Variants in PCDH11X observed in about 807,000 individuals in gnomAD.
The protein encoded by PCDH11X is protocadherin-11 X-linked.
A neutral mutation model predicts 53.3 loss-of-function variants in PCDH11X; 18 were observed. The ratio of observed to expected loss-of-function variants is 0.34; its 90% CI spans 0.23 to 0.50. The LOEUF (loss-of-function observed/expected upper bound fraction) is 0.50, where lower values mean the gene tolerates loss of function less well. Ranked by LOEUF, PCDH11X falls within the 20% of genes least tolerant of loss-of-function variation. The probability of loss-of-function intolerance (pLI) is 0.98; values close to 1 mark genes in which losing one functional copy is unlikely to be tolerated. For synonymous variants in PCDH11X, 279 were observed against 393.3 expected (o/e 0.71, Z 3.44); for missense variants, 570 against 1,032.4 (o/e 0.55, Z 6.14).
intron 10 of PCDH11X, among the ~76,000 whole-genome samples, chrX:92,555,336 A>G (rs2075029555): frequency 8.9e-6 from 1 of 112,037 alleles, no homozygotes; most frequent in Non-Finnish European, 1.9e-5. Context: ...TTAAATATGT[A>G]CCTAGGATCT....
chrX:92,054,559 G>A (rs1462744512), intron 6 of PCDH11X, among the ~76,000 whole-genome samples: 2 of 111,304 alleles, frequency 1.8e-5, no homozygotes, highest in African/African-American at 3.3e-5. Context: ...GGTGGCTCAC[G>A]CCTGTAATCC....
chrX:91,931,750 A>C (rs987563653), intron 6 of PCDH11X, among the ~76,000 whole-genome samples: 2 of 110,459 alleles, frequency 1.8e-5, no homozygotes, highest in Non-Finnish European at 3.8e-5. Flanking sequence ...TCCTATAGAG[A>C]AGTCATATTT....
intron 9 of PCDH11X, among the ~76,000 whole-genome samples, chrX:92,434,112 T>TTATC (rs913227300): frequency 9.0e-5 from 10 of 111,275 alleles, no homozygotes; most frequent in Non-Finnish European, 1.7e-4. Context: ...AACCTAAATT[T>TTATC]TATCTATCTA....
chrX:92,029,405 A>G (rs2063013023), intron 6 of PCDH11X, among the ~76,000 whole-genome samples: 1 of 112,112 alleles, frequency 8.9e-6, no homozygotes, highest in Non-Finnish European at 1.9e-5. Context: ...CACCTTGGGC[A>G]TTCAAGTGAG....
chrX:92,243,041 A>G (rs1299568935), intron 7 of PCDH11X, among the ~76,000 whole-genome samples: 1 of 110,701 alleles, frequency 9.0e-6, no homozygotes, highest in Non-Finnish European at 1.9e-5. Flanking sequence ...AATTGCAAAT[A>G]TTTTCTGCCA....
chrX:92,305,676 A>T (rs1454780858), intron 8 of PCDH11X, among the ~76,000 whole-genome samples: 1 of 108,291 alleles, frequency 9.2e-6, no homozygotes, highest in African/African-American at 3.4e-5. Context: ...TATACATTTG[A>T]TGTTACTTCA....
At chrX:92,110,705 G>A (rs2759998) in intron 6 of PCDH11X, among the ~76,000 whole-genome samples, 1 of 111,048 alleles carries the variant, frequency 9.0e-6, no homozygotes, top group South Asian at 3.8e-4. Flanking sequence ...TTAACAGCTG[G>A]CCAGGAATTT....
chrX:91,956,742 ATCT>A (rs2061715878), intron 6 of PCDH11X, among the ~76,000 whole-genome samples: 1 of 109,335 alleles, frequency 9.1e-6, no homozygotes, highest in Non-Finnish European at 1.9e-5. Context: ...CTTGGGGTTG[ATCT>A]TCTCATGGAG....
chrX:92,105,363 C>A (rs142001648), intron 6 of PCDH11X, among the ~76,000 whole-genome samples: 4 of 110,309 alleles, frequency 3.6e-5, no homozygotes, highest in Non-Finnish European at 5.7e-5. Flanking sequence ...GTGGATCTTA[C>A]GGAGCAAAAA....
chrX:92,191,674 T>C (rs886220327), intron 6 of PCDH11X, among the ~76,000 whole-genome samples: 4 of 112,325 alleles, frequency 3.6e-5, no homozygotes, highest in African/African-American at 1.3e-4. Flanking sequence ...ATGAATGTTT[T>C]AAAAATAATG....
At chrX:92,378,258 A>C (rs920613661) in intron 8 of PCDH11X, among the ~76,000 whole-genome samples, 2 of 108,070 alleles carry the variant, frequency 1.9e-5, no homozygotes, top group Non-Finnish European at 3.8e-5. Context: ...TGTCTTGTTT[A>C]ATGGTCCTCT....
chrX:92,490,681 G>A (rs369616044), intron 10 of PCDH11X, among the ~76,000 whole-genome samples: 5 of 106,485 alleles, frequency 4.7e-5, no homozygotes, highest in Admixed American at 1.0e-4. Context: ...ACTATCATGC[G>A]TGCCCAGGAG....
chrX:91,810,651 G>A (rs1384462813), intron 3 of PCDH11X, 73 bp downstream of exon 3: 1 of 111,862 alleles, frequency 8.9e-6, no homozygotes, highest in Non-Finnish European at 1.9e-5. Context: ...TTGATAACAA[G>A]AGGCATTATA....
At chrX:91,918,852 GCTCT>G (rs1251318341) in intron 6 of PCDH11X, among the ~76,000 whole-genome samples, 1 of 109,869 alleles carries the variant, frequency 9.1e-6, no homozygotes, top group African/African-American at 3.3e-5. Flanking sequence ...TGGTGTTCTA[GCTCT>G]CTCTCTCTCT....
intron 6 of PCDH11X, among the ~76,000 whole-genome samples, chrX:92,057,101 T>C (rs2063460587): frequency 9.3e-6 from 1 of 107,759 alleles, no homozygotes; most frequent in African/African-American, 3.4e-5. Context: ...AAGGGAAACG[T>C]AATAGCCTAT....
At chrX:92,194,820 G>A (rs1396021601) in intron 6 of PCDH11X, among the ~76,000 whole-genome samples, 1 of 111,069 alleles carries the variant, frequency 9.0e-6, no homozygotes, top group Non-Finnish European at 1.9e-5. Context: ...GAAACATTAA[G>A]AGATTTTGCA....
chrX:91,847,072 G>T (rs1937713657), intron 5 of PCDH11X, among the ~76,000 whole-genome samples: 2 of 110,660 alleles, frequency 1.8e-5, no homozygotes, highest in African/African-American at 6.6e-5. Flanking sequence ...GTGGACAAAT[G>T]GTTTGACCTG....
In PCDH11X at chrX:91,938,254, T is replaced by C. The variant is rs745931701; in HGVS notation, c.3033+58981T>C. On this transcript the variant is annotated intron_variant, in intron 6 of 10. Transcript: ENST00000682573. ...TGAACATTTTTACATCTGTCCAAGA[T>C]GGAATAAGAGGGACTAGATTTATCC... Among the ~76,000 whole-genome samples the C allele has an allele frequency of 5.8e-3, 637 of 109,628 alleles. 4 individuals are homozygous for C. Among genetic ancestry groups the C allele is most frequent in the African/African-American group, 0.02 (594 of 30,201 alleles).
chrX:92,221,278 A>AACACAC (rs58264678), intron 7 of PCDH11X, among the ~76,000 whole-genome samples: 69 of 88,030 alleles, frequency 7.8e-4, no homozygotes, highest in African/African-American at 2.9e-3. Context: ...CATTGTATAC[A>AACACAC]ACACACACAC....
Sources: gnomAD v4.1 joint callset for allele counts (sites outside exome capture counted in the v4.1 genomes callset) on GRCh38, gnomAD v4.1.1 for gene constraint, MANE v1.5 for transcripts, NCBI Gene and HGNC (gene_info 2026-07-23, HGNC 2026-07-21) for gene names.